Variants in COPRS observed in about 807,000 individuals in gnomAD.
The protein encoded by COPRS is cooperator of PRMT5.
Under a neutral mutation model 19.9 loss-of-function variants are expected in COPRS, and 11 were observed. The ratio of observed to expected loss-of-function variants is 0.55; its 90% CI spans 0.35 to 0.92. COPRS has a LOEUF of 0.92. COPRS is among the 40% of genes least tolerant of loss of function. The pLI is 0.01. For missense variants in COPRS, 225 were observed against 229.9 expected, an observed-to-expected ratio of 0.98 and a Z score of 0.14; for synonymous variants, 81 against 82.7, an observed-to-expected ratio of 0.98 and a Z score of 0.11.
At chr17:31,855,501 AAAATAAATAAAT>A (rs201832910) in intron 2 of COPRS, among the ~76,000 whole-genome samples, 5 of 151,406 alleles carry the variant, frequency 3.3e-5, no homozygotes, top group African/African-American at 7.3e-5. Flanking sequence ...TCCGTCTCAA[AAAATAAATAAAT>A]AAATAAATAA....
intron 3 of COPRS, 95 bp from the exon 4 acceptor site, chr17:31,852,403 T>A: frequency 3.4e-6 from 3 of 890,172 alleles, no homozygotes; most frequent in Non-Finnish European, 5.3e-6. Flanking sequence ...AGGGGACAGA[T>A]CCTTGCACTT....
At chr17:31,857,600 C>T (rs1285569441) in intron 1 of COPRS, among the ~76,000 whole-genome samples, 1 of 152,148 alleles carries the variant, frequency 6.6e-6, no homozygotes. Context: ...TCCTGAAACC[C>T]TATGACCTCC....
chr17:31,855,662 G>A (rs1909321101), intron 2 of COPRS, among the ~76,000 whole-genome samples: 1 of 151,128 alleles, frequency 6.6e-6, no homozygotes, highest in Non-Finnish European at 1.5e-5. Context: ...CTCCAGCCTG[G>A]GTGACAGAGT....
At chr17:31,858,363 A>G (rs1256206669) in intron 1 of COPRS, 4 of 985,246 alleles carry the variant, frequency 4.1e-6, no homozygotes, top group Non-Finnish European at 4.8e-6. Flanking sequence ...TGCATTTTTC[A>G]TATCTTACTT....
intron 1 of COPRS, chr17:31,858,291 C>T: frequency 2.4e-6 from 2 of 847,118 alleles, no homozygotes; most frequent in Non-Finnish European, 2.8e-6. Flanking sequence ...TCCTGCTATG[C>T]CCTGACAAAA....
At position 31,852,795 on chromosome 17, in the gene COPRS, A is replaced by C. The variant is rs1461788509; in HGVS notation, c.385+17T>G. 12 of 1,591,806 alleles carry C rather than the reference A, an allele frequency of 7.5e-6. No homozygotes were observed. Among genetic ancestry groups the C allele is most frequent in the Non-Finnish European group, 1.0e-5 (12 of 1,160,144 alleles). On this transcript the variant is annotated intron_variant, in intron 3 of 3. Transcript: ENST00000302362. Reference sequence around the variant, plus strand: ...TGAGAAGGCCTAGTTCAGGACCCCCAGAGACTCCACACCTACCATATGGAT... The same window carrying C: ...TGAGAAGGCCTAGTTCAGGACCCCCCGAGACTCCACACCTACCATATGGAT...
Position 31,859,167 on chromosome 17 carries a change from C to CA in COPRS, c.32_33insT (p.Gln11HisfsTer14). ...GGCCCCGAGACGGCTCCGCGGCCCC[C>CA]TGCGCCTGGGCCCCGGCGGCCTGAA... On this transcript the variant is annotated frameshift_variant, in exon 1 of 4. Transcript: ENST00000302362. LOFTEE classifies it high-confidence loss of function. The CA allele has an allele frequency of 9.4e-7, 1 of 1,067,312 alleles. No individual in the cohort carries two copies. Among genetic ancestry groups the CA allele is most frequent in the Non-Finnish European group, 1.1e-6 (1 of 883,946 alleles). 66.1% of individuals were successfully genotyped at this position (1,067,312 alleles called of 1,614,324 possible).
At position 31,851,918 on chromosome 17, in the gene COPRS, C is replaced by CA. The variant is rs778992365; in HGVS notation, c.*220dup. 1.3e-5 allele frequency: 7 copies of CA among 526,714 alleles called. No homozygotes were observed. The highest frequency in any genetic ancestry group is 2.4e-5 in the Non-Finnish European group (7 of 295,662). The allele number at this position is 526,714 out of a possible 1,614,324, so 32.6% of individuals were successfully genotyped here. A position where few individuals can be genotyped will look rare whatever the true frequency, so the allele number is the denominator to read the frequency against. ...ACAAAGAACACAACTCCTCTTGACA[C>CA]AAACACACACACATTTCAAGGAGGA... On this transcript the variant is annotated 3_prime_UTR_variant, in exon 4 of 4. Coordinates refer to ENST00000302362, the MANE Select transcript of COPRS (RefSeq NM_018405.4).
chr17:31,854,147 C>T (rs918716661), intron 2 of COPRS, among the ~76,000 whole-genome samples: 1 of 151,926 alleles, frequency 6.6e-6, no homozygotes, highest in Non-Finnish European at 1.5e-5. Context: ...GGTGGGTGGA[C>T]TGCTTGAGCT....
chr17:31,858,419 C>CT, intron 1 of COPRS: 2 of 985,380 alleles, frequency 2.0e-6, no homozygotes, highest in South Asian at 9.4e-5. Context: ...GTCGGTATGT[C>CT]TATCTCCTGT....
chr17:31,854,500 A>G (rs1356189241), intron 2 of COPRS, among the ~76,000 whole-genome samples: 3 of 152,244 alleles, frequency 2.0e-5, no homozygotes, highest in Middle Eastern at 3.2e-3. Context: ...CAGCTGTTCA[A>G]ATAAAACAAG....
intron 2 of COPRS, among the ~76,000 whole-genome samples, chr17:31,853,392 T>TC (rs1909224311): frequency 1.3e-5 from 2 of 151,846 alleles, no homozygotes; most frequent in South Asian, 2.1e-4. Flanking sequence ...CTTTTTTTTT[T>TC]TTTTTTGAGA....
At chr17:31,856,625 T>C in intron 2 of COPRS, 174 bp downstream of exon 2, 1 of 631,114 alleles carries the variant, frequency 1.6e-6, no homozygotes, top group Non-Finnish European at 2.8e-6. Context: ...GTTCAGGACT[T>C]CCCTTAAGGA....
chr17:31,858,330 G>A, intron 1 of COPRS: 1 of 982,306 alleles, frequency 1.0e-6, no homozygotes, highest in Non-Finnish European at 1.2e-6. Flanking sequence ...GCACTCCAAA[G>A]TAATTTTCTT....
At chr17:31,855,899 G>A (rs1318030810) in intron 2 of COPRS, among the ~76,000 whole-genome samples, 2 of 148,066 alleles carry the variant, frequency 1.4e-5, no homozygotes, top group Non-Finnish European at 3.0e-5. Context: ...GGAGGCTGAG[G>A]TAGGAGAATG....
chr17:31,855,523 A>C (rs528944796), intron 2 of COPRS, among the ~76,000 whole-genome samples: 7 of 151,802 alleles, frequency 4.6e-5, no homozygotes, highest in Admixed American at 4.6e-4. Flanking sequence ...TAAATAAATA[A>C]ATAAATACAA....
chr17:31,855,639 T>C (rs557282538), intron 2 of COPRS, among the ~76,000 whole-genome samples: 3 of 151,230 alleles, frequency 2.0e-5, no homozygotes, highest in South Asian at 2.1e-4. Flanking sequence ...TGAGCCAAGA[T>C]TGCGACACTG....
At chr17:31,858,917 G>A (rs945658000) in intron 1 of COPRS, 184 bp downstream of exon 1, 3 of 1,469,784 alleles carry the variant, frequency 2.0e-6, no homozygotes, top group Non-Finnish European at 2.7e-6. Context: ...CCGCAGCCCC[G>A]CGGCCCCGCG....
chr17:31,858,708 C>T, intron 1 of COPRS: 1 of 1,518,760 alleles, frequency 6.6e-7, no homozygotes, highest in African/African-American at 1.4e-5. Flanking sequence ...CACCAACGGA[C>T]AGAGGTCCAC....
Sources: gnomAD v4.1 joint callset for allele counts (sites outside exome capture counted in the v4.1 genomes callset) on GRCh38, gnomAD v4.1.1 for gene constraint, MANE v1.5 for transcripts, NCBI Gene and HGNC (gene_info 2026-07-23, HGNC 2026-07-21) for gene names.